LRRC8C: variants seen among roughly 807,000 people sequenced by gnomAD.
LRRC8C encodes the protein leucine rich repeat containing 8 VRAC subunit C.
Under a neutral mutation model 55.3 loss-of-function variants are expected in LRRC8C, and 20 were observed. That is an observed-to-expected ratio of 0.36 (90% CI 0.25 to 0.53). The LOEUF (loss-of-function observed/expected upper bound fraction) is 0.53, where lower values mean the gene tolerates loss of function less well. LRRC8C is among the 20% of genes least tolerant of loss of function. The pLI, the probability that LRRC8C is intolerant of heterozygous loss-of-function variation, is 0.92. For synonymous variants in LRRC8C, 376 were observed against 360.7 expected (o/e 1.04, Z -0.48); for missense variants, 659 against 951.4 (o/e 0.69, Z 4.04).
chr1:89,642,570 C>T (rs1656491551), intron 1 of LRRC8C, among the ~76,000 whole-genome samples: 1 of 152,070 alleles, frequency 6.6e-6, no homozygotes, highest in South Asian at 2.1e-4. Flanking sequence ...CAAAAATTGG[C>T]CAGGCACAGT....
chr1:89,696,744 C>G (rs2101315325), intron 2 of LRRC8C, among the ~76,000 whole-genome samples: 1 of 152,160 alleles, frequency 6.6e-6, no homozygotes, highest in South Asian at 2.1e-4. Context: ...CTTGTGACAC[C>G]AGAGTTCAGT....
chr1:89,678,248 A>G (rs1657601654), intron 1 of LRRC8C, among the ~76,000 whole-genome samples: 3 of 152,268 alleles, frequency 2.0e-5, no homozygotes, highest in Admixed American at 6.5e-5. Context: ...ATTACTATGT[A>G]TTCACCCATT....
intron 2 of LRRC8C, among the ~76,000 whole-genome samples, chr1:89,690,065 T>C (rs986133177): frequency 6.6e-6 from 1 of 152,132 alleles, no homozygotes; most frequent in Non-Finnish European, 1.5e-5. Flanking sequence ...TATTAAGTAA[T>C]CAGTTGGATG....
intron 2 of LRRC8C, among the ~76,000 whole-genome samples, chr1:89,690,975 G>C (rs1658012529): frequency 6.6e-6 from 1 of 152,214 alleles, no homozygotes; most frequent in African/African-American, 2.4e-5. Context: ...AAGGTTCTGA[G>C]AAAAAGTGAG....
At chr1:89,672,101 G>A (rs752414768) in intron 1 of LRRC8C, among the ~76,000 whole-genome samples, 5 of 152,164 alleles carry the variant, frequency 3.3e-5, no homozygotes, top group Admixed American at 6.5e-5. Flanking sequence ...AACATTTTAA[G>A]AGGGGAAAAA....
At chr1:89,643,733 CA>C (rs1475592833) in intron 1 of LRRC8C, among the ~76,000 whole-genome samples, 3 of 152,162 alleles carry the variant, frequency 2.0e-5, no homozygotes, top group Non-Finnish European at 4.4e-5. Context: ...TTATTTCATA[CA>C]GGATGTTTTC....
intron 1 of LRRC8C, among the ~76,000 whole-genome samples, chr1:89,682,632 A>G (rs959444951): frequency 1.3e-5 from 2 of 152,210 alleles, no homozygotes; most frequent in African/African-American, 4.8e-5. Context: ...ATTACTCAAG[A>G]TAGAGGCACT....
chr1:89,688,946 C>T (rs1307546452), intron 2 of LRRC8C, among the ~76,000 whole-genome samples: 1 of 152,166 alleles, frequency 6.6e-6, no homozygotes, highest in Non-Finnish European at 1.5e-5. Context: ...CTTTGAGGCA[C>T]AAGGCTTTTA....
intron 2 of LRRC8C, among the ~76,000 whole-genome samples, chr1:89,703,722 C>T (rs1186162890): frequency 2.0e-5 from 3 of 151,894 alleles, no homozygotes; most frequent in Non-Finnish European, 4.4e-5. Flanking sequence ...GAAATACAGT[C>T]GCTATCTTCC....
intron 1 of LRRC8C, among the ~76,000 whole-genome samples, chr1:89,638,964 C>CATT (rs1557645046): frequency 6.3e-5 from 3 of 47,512 alleles, no homozygotes; most frequent in Admixed American, 6.1e-4. Flanking sequence ...TTTTATTTTA[C>CATT]TTATTATTTT....
At chr1:89,704,941 A>G (rs1256878449) in intron 2 of LRRC8C, among the ~76,000 whole-genome samples, 1 of 151,978 alleles carries the variant, frequency 6.6e-6, no homozygotes, top group African/African-American at 2.4e-5. Context: ...CCAAAGGACT[A>G]TAAATCATGC....
chr1:89,684,954 T>C (rs1657826369), intron 1 of LRRC8C, among the ~76,000 whole-genome samples: 1 of 151,980 alleles, frequency 6.6e-6, no homozygotes, highest in Non-Finnish European at 1.5e-5. Flanking sequence ...TTCAACACTG[T>C]GTTAACAGAT....
At chr1:89,661,454 G>A (rs541927491) in intron 1 of LRRC8C, 16 of 215,296 alleles carry the variant, frequency 7.4e-5, no homozygotes, top group African/African-American at 3.7e-4. Flanking sequence ...ATGTGGTGGA[G>A]CATGTTTGCT....
chr1:89,689,583 TG>T (rs1293358166), intron 2 of LRRC8C, among the ~76,000 whole-genome samples: 2 of 152,042 alleles, frequency 1.3e-5, no homozygotes, highest in Non-Finnish European at 2.9e-5. Context: ...GCAGTTGTTC[TG>T]CATGTATTTT....
intron 2 of LRRC8C, among the ~76,000 whole-genome samples, chr1:89,691,964 A>G (rs1658038769): frequency 6.6e-6 from 1 of 152,244 alleles, no homozygotes; most frequent in Admixed American, 6.5e-5. Flanking sequence ...TGCACTCTAT[A>G]GTGAGCATTA....
At chr1:89,622,537 G>C in the LRRC8C span, among the ~76,000 whole-genome samples, 1 of 152,046 alleles carries the variant, frequency 6.6e-6, no homozygotes, top group Non-Finnish European at 1.5e-5. Context: ...GTTTCACTGT[G>C]TTAGCCAGGA....
At chr1:89,626,618 GT>G in the LRRC8C span, 1 of 152,144 alleles carries the variant, frequency 6.6e-6, no homozygotes, top group African/African-American at 2.4e-5. Flanking sequence ...TAGATTACTA[GT>G]TTATTACAAA....
At chr1:89,679,775 A>G (rs1280843534) in intron 1 of LRRC8C, among the ~76,000 whole-genome samples, 1 of 152,206 alleles carries the variant, frequency 6.6e-6, no homozygotes, top group Non-Finnish European at 1.5e-5. Flanking sequence ...TGAATGATAT[A>G]TGATTGTGCT....
intron 1 of LRRC8C, among the ~76,000 whole-genome samples, chr1:89,668,650 G>C (rs768107416): frequency 6.6e-6 from 1 of 152,160 alleles, no homozygotes; most frequent in Non-Finnish European, 1.5e-5. Context: ...AATGAAATGA[G>C]CTTGGACATT....
Sources: allele counts gnomAD v4.1 joint callset (sites outside exome capture counted in the v4.1 genomes callset), GRCh38; gene constraint gnomAD v4.1.1; transcripts MANE v1.5; gene names NCBI Gene and HGNC (gene_info 2026-07-23, HGNC 2026-07-21).